ITPRID1: variants seen among roughly 807,000 people sequenced by gnomAD.
ITPRID1 encodes the protein ITPR interacting domain containing 1.
In ITPRID1, 96 loss-of-function variants were observed where a neutral mutation model predicts 95.4. The ratio of observed to expected loss-of-function variants is 1.01; its 90% CI spans 0.85 to 1.19. The LOEUF (loss-of-function observed/expected upper bound fraction) is 1.19. ITPRID1 is among the 50% of genes most tolerant of loss of function. ITPRID1 has a pLI of 0.00. For missense variants in ITPRID1, 1,339 were observed against 1,252.9 expected (o/e 1.07, Z -1.04); for synonymous variants, 510 against 453.6 (o/e 1.12, Z -1.58).
intron 12 of ITPRID1, among the ~76,000 whole-genome samples, chr7:31,646,541 TG>T (rs1790483915): frequency 6.6e-6 from 1 of 152,214 alleles, no homozygotes; most frequent in East Asian, 1.9e-4. Context: ...AGATTAAACC[TG>T]GGCCAGCTCC....
Position 31,654,995 on chromosome 7 carries a change from A to T in ITPRID1, c.*2166A>T, listed in dbSNP as rs540139033. On this transcript the variant is annotated 3_prime_UTR_variant, in exon 15 of 15. Transcript: ENST00000615280. The stretch of plus-strand genomic sequence containing the variant: ...ACATTCTCAGAGCGTGGACATCCCC[A>T]TTCTGTCCTGAATTCTCTTCTCTTT... Among the ~76,000 whole-genome samples the T allele has an allele frequency of 3.3e-5, 5 of 152,046 alleles. No individual in the cohort carries two copies. Among genetic ancestry groups the T allele is most frequent in the Non-Finnish European group, 7.4e-5 (5 of 68,006 alleles).
chr7:31,629,531 AT>A (rs1457876964), intron 10 of ITPRID1, among the ~76,000 whole-genome samples: 1 of 152,180 alleles, frequency 6.6e-6, no homozygotes, highest in East Asian at 1.9e-4. Flanking sequence ...TTTTTCAACA[AT>A]TTTTAAGGTA....
intron 1 of ITPRID1, among the ~76,000 whole-genome samples, chr7:31,539,589 T>G (rs1295905592): frequency 1.3e-5 from 2 of 152,212 alleles, no homozygotes; most frequent in African/African-American, 4.8e-5. Flanking sequence ...TCTTCCAAAG[T>G]GCCTGTACTG....
chr7:31,658,259 A>T (rs1791383831), downstream of ITPRID1: 14 of 1,491,364 alleles, frequency 9.4e-6, no homozygotes, highest in South Asian at 1.3e-5. Flanking sequence ...TTTAACACAT[A>T]TTCTCTTATA....
chr7:31,623,121 C>A (rs1311353066), intron 10 of ITPRID1, among the ~76,000 whole-genome samples: 1 of 152,052 alleles, frequency 6.6e-6, no homozygotes, highest in Non-Finnish European at 1.5e-5. Flanking sequence ...AGTAGCTTAC[C>A]AACCAAAAAG....
At chr7:31,641,058 T>C (rs1188435517) in intron 10 of ITPRID1, among the ~76,000 whole-genome samples, 5 of 152,150 alleles carry the variant, frequency 3.3e-5, no homozygotes, top group Admixed American at 6.5e-5. Context: ...TGTCTCCACT[T>C]GCTGTCTTTG....
At chr7:31,573,494 T>C (rs1487556102) in intron 7 of ITPRID1, among the ~76,000 whole-genome samples, 3 of 152,160 alleles carry the variant, frequency 2.0e-5, no homozygotes, top group Non-Finnish European at 4.4e-5. Flanking sequence ...AATGTGTAAA[T>C]GGCTAAGTAA....
At chr7:31,595,070 C>CTTTTTTT (rs958852739) in intron 10 of ITPRID1, among the ~76,000 whole-genome samples, 1 of 127,446 alleles carries the variant, frequency 7.8e-6, no homozygotes, top group African/African-American at 2.9e-5. Context: ...TTTATAATTT[C>CTTTTTTT]TTTTTTTTTT....
rs1234875265 is a variant in ITPRID1, at chr7:31,642,215, G to A, written c.1268G>A (p.Ser423Asn). ...VDRANSCQSD[S>N]SGFLEEPLEP... ...AGAGCAAATAGCTGCCAGTCTGACA[G>A]CAGCGGGTTCCTGGAGGAGCCGCTG... Residue 423 changes from serine to asparagine, a missense_variant, in exon 11 of 15, where the codon AGC becomes AAC. Coordinates refer to ENST00000615280, the MANE Select transcript of ITPRID1 (RefSeq NM_001257967.3). 7.7e-6 allele frequency: 12 copies of A among 1,560,658 alleles called. No homozygotes were observed. Among genetic ancestry groups the A allele is most frequent in the Non-Finnish European group, 1.0e-5 (12 of 1,153,160 alleles).
intron 10 of ITPRID1, among the ~76,000 whole-genome samples, chr7:31,637,702 T>C (rs950375402): frequency 2.0e-5 from 3 of 152,208 alleles, no homozygotes; most frequent in African/African-American, 7.2e-5. Flanking sequence ...TTCACTCTGA[T>C]GGTAGTTTCT....
rs115725327 is a variant in ITPRID1 at position 31,521,033 on chromosome 7, T to G, written c.-98+6913T>G. ...TTATTGTTCTTTTTGAAAAATAAGG[T>G]TTGGTTTCATTGATTTTTTTTCATT... On this transcript the variant is annotated intron_variant, in intron 1 of 14. Transcript: ENST00000615280. Among the ~76,000 whole-genome samples, 814 of 150,512 alleles carry G rather than the reference T, an allele frequency of 5.4e-3. 12 individuals carry two copies. Among genetic ancestry groups the G allele is most frequent in the African/African-American group, 0.019 (776 of 40,890 alleles).
Position 31,577,948 on chromosome 7 carries a change from A to T in ITPRID1, c.684A>T (p.Arg228Ser), listed in dbSNP as rs765608598. The T allele has an allele frequency of 8.7e-6, 14 of 1,613,740 alleles. No homozygotes were observed. In the South Asian group the frequency reaches 1.4e-4, roughly 16 times the overall value. The change falls in exon 9 of 15, where the codon AGA becomes AGT. Residue 228 changes from arginine (R) to serine (S), a missense_variant. Coordinates refer to ENST00000615280, the MANE Select transcript of ITPRID1 (RefSeq NM_001257967.3). ...LLSDVSILPNRAEEKAGGESV... is the reference protein window; with the variant it reads ...LLSDVSILPNSAEEKAGGESV... Reference sequence around the variant, plus strand: ...GTGATGTCAGCATCCTGCCAAACAGAGCTGAAGAGAAAGCTGGAGGAGAGA... The same window carrying T: ...GTGATGTCAGCATCCTGCCAAACAGTGCTGAAGAGAAAGCTGGAGGAGAGA...
intron 2 of ITPRID1, among the ~76,000 whole-genome samples, chr7:31,550,470 C>T (rs1784249016): frequency 6.6e-6 from 1 of 152,102 alleles, no homozygotes. Flanking sequence ...CAGTCACATG[C>T]CATAACTTGT....
downstream of ITPRID1, chr7:31,658,429 A>G: frequency 6.9e-7 from 1 of 1,443,540 alleles, no homozygotes; most frequent in Non-Finnish European, 9.1e-7. Context: ...CAGTTTCCAG[A>G]GTATAACACA....
intron 10 of ITPRID1, among the ~76,000 whole-genome samples, chr7:31,616,664 A>C (rs145978095): frequency 6.6e-6 from 1 of 152,136 alleles, no homozygotes; most frequent in East Asian, 1.9e-4. Flanking sequence ...AATTCCCCAG[A>C]TAGCTTAAAG....
intron 10 of ITPRID1, among the ~76,000 whole-genome samples, chr7:31,615,106 A>ACACT (rs1280100056): frequency 6.6e-6 from 1 of 152,236 alleles, no homozygotes; most frequent in Non-Finnish European, 1.5e-5. Context: ...AATTAGCAAA[A>ACACT]TTCTAAAAGT....
intron 1 of ITPRID1, among the ~76,000 whole-genome samples, chr7:31,548,535 G>A (rs1437867045): frequency 6.6e-6 from 1 of 152,152 alleles, no homozygotes; most frequent in Non-Finnish European, 1.5e-5. Context: ...TCAGTGAAGA[G>A]GTTAGAATGA....
intron 10 of ITPRID1, among the ~76,000 whole-genome samples, chr7:31,639,194 CT>C (rs1789773334): frequency 6.6e-6 from 1 of 152,186 alleles, no homozygotes; most frequent in African/African-American, 2.4e-5. Context: ...GCTTTCCCTC[CT>C]CTTTGGGATT....
At chr7:31,584,551 G>A (rs552735305) in intron 10 of ITPRID1, among the ~76,000 whole-genome samples, 1 of 152,246 alleles carries the variant, frequency 6.6e-6, no homozygotes, top group Non-Finnish European at 1.5e-5. Flanking sequence ...AATTATTTGG[G>A]AAGTTAGACA....
Sources: gnomAD v4.1 joint callset for allele counts (sites outside exome capture counted in the v4.1 genomes callset) on GRCh38, gnomAD v4.1.1 for gene constraint, MANE v1.5 for transcripts, NCBI Gene and HGNC (gene_info 2026-07-23, HGNC 2026-07-21) for gene names.